Variants in L3MBTL4 observed in about 807,000 individuals in gnomAD.
The protein encoded by L3MBTL4 is lethal(3)malignant brain tumor-like protein 4.
In L3MBTL4, 70 loss-of-function variants were observed where a neutral mutation model predicts 84.5. That is an observed-to-expected ratio of 0.83 (90% CI 0.68 to 1.01). The LOEUF (loss-of-function observed/expected upper bound fraction) is 1.01, where lower values mean the gene tolerates loss of function less well. L3MBTL4 is among the 50% of genes least tolerant of loss of function. The probability of loss-of-function intolerance (pLI) is 0.00; values close to 1 mark genes in which losing one functional copy is unlikely to be tolerated. For missense variants in L3MBTL4, 715 were observed against 754.8 expected (o/e 0.95, Z 0.62); for synonymous variants, 274 against 259.8 (o/e 1.05, Z -0.52).
At chr18:6,177,383 C>G (rs1012815259) in intron 12 of L3MBTL4, among the ~76,000 whole-genome samples, 3 of 152,140 alleles carry the variant, frequency 2.0e-5, no homozygotes, top group African/African-American at 7.2e-5. Context: ...TGCTGCATGA[C>G]CCCACTGATA....
intron 14 of L3MBTL4, among the ~76,000 whole-genome samples, chr18:6,097,014 A>C (rs532585861): frequency 6.2e-4 from 95 of 152,356 alleles, no homozygotes; most frequent in African/African-American, 2.3e-3. Flanking sequence ...TCACAGAAGA[A>C]TCTGTCATTT....
intron 16 of L3MBTL4, among the ~76,000 whole-genome samples, chr18:6,060,314 G>C (rs934501432): frequency 6.6e-5 from 10 of 151,232 alleles, no homozygotes; most frequent in African/African-American, 2.2e-4. Context: ...ATTCCTCTAT[G>C]CCTAAAACAT....
At chr18:6,072,884 ATATATATATAT>A (rs1568069868) in intron 16 of L3MBTL4, among the ~76,000 whole-genome samples, 313 of 19,752 alleles carry the variant, frequency 0.016, 45 homozygotes, top group South Asian at 0.027. Flanking sequence ...AAAAAAAAAT[ATATATATATAT>A]ATATATATAT....
chr18:6,023,679 G>A (rs1168774083), intron 16 of L3MBTL4, among the ~76,000 whole-genome samples: 2 of 152,316 alleles, frequency 1.3e-5, no homozygotes, highest in African/African-American at 4.8e-5. Context: ...TAAAGTAATT[G>A]TAACTGAAAA....
intron 4 of L3MBTL4, among the ~76,000 whole-genome samples, chr18:6,278,003 T>C (rs958993428): frequency 6.6e-6 from 1 of 152,038 alleles, no homozygotes; most frequent in Non-Finnish European, 1.5e-5. Context: ...TATACATGTA[T>C]ACATATATAC....
At chr18:6,265,143 G>A (rs896525479) in intron 4 of L3MBTL4, among the ~76,000 whole-genome samples, 12 of 152,186 alleles carry the variant, frequency 7.9e-5, no homozygotes, top group Admixed American at 3.9e-4. Context: ...TGGTAAATGT[G>A]TAATAGATTA....
Position 6,045,089 on chromosome 18 carries a change from T to C in L3MBTL4, c.1444+35792A>G, listed in dbSNP as rs80255953. Among the ~76,000 whole-genome samples the C allele has an allele frequency of 5.8e-3, 889 of 152,280 alleles. 31 individuals are homozygous for C. Among genetic ancestry groups the C allele is most frequent in the Admixed American group, 0.046 (711 of 15,298 alleles). Reference sequence around the variant, plus strand: ...GAAAAGAAGAAAGCAAAAACAATAGTGGCTTTGCAGTTTGTATTATTAAAG... The same window carrying C: ...GAAAAGAAGAAAGCAAAAACAATAGCGGCTTTGCAGTTTGTATTATTAAAG... On this transcript the variant is annotated intron_variant, in intron 16 of 18. Transcript: ENST00000317931.
chr18:6,407,397 GAA>G (rs149274968), intron 1 of L3MBTL4, among the ~76,000 whole-genome samples: 1 of 151,760 alleles, frequency 6.6e-6, no homozygotes, highest in South Asian at 2.1e-4. Flanking sequence ...AGAGAAAGGG[GAA>G]AAAAAATCAT....
chr18:6,207,394 C>T (rs1258882301), intron 12 of L3MBTL4, among the ~76,000 whole-genome samples: 1 of 152,192 alleles, frequency 6.6e-6, no homozygotes, highest in Non-Finnish European at 1.5e-5. Flanking sequence ...GCTTTCTGCG[C>T]CTATTTCCTT....
At chr18:5,961,092 CT>C (rs2095261157) in intron 17 of L3MBTL4, among the ~76,000 whole-genome samples, 1 of 152,184 alleles carries the variant, frequency 6.6e-6, no homozygotes, top group East Asian at 1.9e-4. Flanking sequence ...TCTAGGGGAA[CT>C]GTTTTGCTTG....
At chr18:6,234,029 T>C (rs2047109566) in intron 10 of L3MBTL4, among the ~76,000 whole-genome samples, 1 of 152,170 alleles carries the variant, frequency 6.6e-6, no homozygotes, top group African/African-American at 2.4e-5. Context: ...TACAACCATC[T>C]GATCTTTGAC....
At chr18:6,414,926 G>A (rs1191042504), upstream of L3MBTL4, 1 of 149,606 alleles carries the variant, frequency 6.7e-6, no homozygotes, top group East Asian at 2.0e-4. This position sits in a 1 kb window ranked among gnomAD's most constrained non-coding sequence, Gnocchi z 5.4. Flanking sequence ...GGAGGGGCGC[G>A]AGGGTGCACG....
intron 16 of L3MBTL4, among the ~76,000 whole-genome samples, chr18:5,992,546 T>C (rs1177890360): frequency 1.3e-5 from 2 of 152,168 alleles, no homozygotes; most frequent in Non-Finnish European, 2.9e-5. Flanking sequence ...CCAAATCTCA[T>C]GCTGAAATAT....
At chr18:6,040,930 G>GT (rs34207676) in intron 16 of L3MBTL4, among the ~76,000 whole-genome samples, 31,954 of 152,050 alleles carry the variant, frequency 0.21, 4,090 homozygotes, top group African/African-American at 0.35. Context: ...AATTTGAGTT[G>GT]TTTTTTGCCT....
chr18:5,966,333 C>A (rs913738378), intron 17 of L3MBTL4, among the ~76,000 whole-genome samples: 1 of 152,182 alleles, frequency 6.6e-6, no homozygotes, highest in Non-Finnish European at 1.5e-5. Context: ...ATACTGTACA[C>A]AATTTTTCCA....
chr18:5,964,735 C>A (rs1289293998), intron 17 of L3MBTL4, among the ~76,000 whole-genome samples: 1 of 152,122 alleles, frequency 6.6e-6, no homozygotes, highest in Non-Finnish European at 1.5e-5. Flanking sequence ...CATACGTGCA[C>A]CAAGCATACC....
At chr18:6,157,271 T>C (rs1346957430) in intron 13 of L3MBTL4, among the ~76,000 whole-genome samples, 1 of 152,206 alleles carries the variant, frequency 6.6e-6, no homozygotes, top group South Asian at 2.1e-4. Flanking sequence ...AAATTCTCTT[T>C]AAAACAGAAT....
chr18:6,245,300 A>G (rs1267340512), intron 5 of L3MBTL4, among the ~76,000 whole-genome samples: 1 of 152,188 alleles, frequency 6.6e-6, no homozygotes, highest in East Asian at 1.9e-4. Flanking sequence ...GGATGGTTTC[A>G]TTATGTTAAT....
intron 16 of L3MBTL4, among the ~76,000 whole-genome samples, chr18:5,983,838 C>A (rs1219916322): frequency 6.6e-6 from 1 of 152,166 alleles, no homozygotes; most frequent in African/African-American, 2.4e-5. Flanking sequence ...TTTCCTCATA[C>A]TAAACACTCC....
Sources: allele counts gnomAD v4.1 joint callset (sites outside exome capture counted in the v4.1 genomes callset), GRCh38; gene constraint gnomAD v4.1.1; non-coding constraint Gnocchi (gnomAD v3.1); transcripts MANE v1.5; gene names NCBI Gene and HGNC (gene_info 2026-07-23, HGNC 2026-07-21).